SLC1A1: variants seen among roughly 807,000 people sequenced by gnomAD.
SLC1A1 encodes excitatory amino acid transporter 3.
A neutral mutation model predicts 53.3 loss-of-function variants in SLC1A1; 43 were observed. That is an observed-to-expected ratio of 0.81 (90% CI 0.63 to 1.04). SLC1A1 has a LOEUF of 1.04. SLC1A1 is among the 50% of genes least tolerant of loss of function. The pLI is 0.00. For synonymous variants in SLC1A1, 307 were observed against 243.2 expected, an observed-to-expected ratio of 1.26 and a Z score of -2.44; for missense variants, 748 against 664.9, an observed-to-expected ratio of 1.12 and a Z score of -1.37.
At chr9:4,504,432 T>C (rs1398253922) in intron 1 of SLC1A1, among the ~76,000 whole-genome samples, 2 of 152,236 alleles carry the variant, frequency 1.3e-5, no homozygotes, top group East Asian at 1.9e-4. Flanking sequence ...CCAGGAGACT[T>C]TGAACAACTG....
In SLC1A1 at chr9:4,585,781, C is replaced by T. The variant is rs1022823026; in HGVS notation, c.*223C>T. 1.1e-5 allele frequency: 6 copies of T among 569,690 alleles called. No individual in the cohort carries two copies. The highest frequency in any genetic ancestry group is 1.9e-5 in the Non-Finnish European group (6 of 322,208). 35.3% of individuals were successfully genotyped at this position (569,690 alleles called of 1,614,324 possible). On this transcript the variant is annotated 3_prime_UTR_variant, in exon 12 of 12. Transcript: ENST00000262352. The stretch of plus-strand genomic sequence containing the variant: ...AGGGAAATCAATTTAAAGGAAAGTT[C>T]TATTATCTGGGTTTTAGAAATTCTA...
intron 8 of SLC1A1, 53 bp downstream of exon 8, chr9:4,574,067 G>A (rs1378682411): frequency 2.5e-6 from 3 of 1,201,230 alleles, no homozygotes; most frequent in Non-Finnish European, 3.7e-6. Context: ...TAATAGGATG[G>A]CCGCTGAGAG....
intron 1 of SLC1A1, among the ~76,000 whole-genome samples, chr9:4,511,569 A>ACACACC (rs1342576668): frequency 7.6e-6 from 1 of 131,174 alleles, no homozygotes; most frequent in African/African-American, 3.0e-5. Context: ...AGAATTCTAC[A>ACACACC]CACACACACA....
chr9:4,578,810 T>C lies in SLC1A1; in HGVS notation c.1193+2047T>C, dbSNP rs59716674. Among the ~76,000 whole-genome samples the C allele has an allele frequency of 3.5e-3, 527 of 152,352 alleles. 1 individual carries two copies. Among genetic ancestry groups the C allele is most frequent in the African/African-American group, 0.012 (507 of 41,580 alleles). On this transcript the variant is annotated intron_variant, in intron 10 of 11. Coordinates refer to ENST00000262352, the MANE Select transcript of SLC1A1 (RefSeq NM_004170.6). ...GCACAGACACAGAATAGTTTCATCATTGCAGAAAGTTCTTTTGGACAGCAC... is the reference window on the plus strand; with the variant it reads ...GCACAGACACAGAATAGTTTCATCACTGCAGAAAGTTCTTTTGGACAGCAC...
At chr9:4,563,648 C>T (rs1819197332) in intron 3 of SLC1A1, among the ~76,000 whole-genome samples, 1 of 152,204 alleles carries the variant, frequency 6.6e-6, no homozygotes, top group South Asian at 2.1e-4. Context: ...GTCTTGGTCT[C>T]TTCTACAGCC....
intron 10 of SLC1A1, among the ~76,000 whole-genome samples, chr9:4,581,764 C>T (rs962781658): frequency 6.6e-6 from 1 of 152,052 alleles, no homozygotes. Flanking sequence ...TGGTACAGCC[C>T]CAGAAATCTC....
chr9:4,561,377 G>A, intron 2 of SLC1A1, 72 bp from the exon 3 acceptor site: 2 of 917,844 alleles, frequency 2.2e-6, no homozygotes, highest in Non-Finnish European at 3.7e-6. Flanking sequence ...TTCACAACCT[G>A]AGGATTAAAT....
rs1564022648 is a variant in SLC1A1 at position 4,544,626 on chromosome 9, T to C, written c.151T>C (p.Tyr51His). Residue 51 changes from tyrosine (Y) to histidine (H), a missense_variant, in exon 2 of 12, where the codon TAC becomes CAC. Transcript: ENST00000262352. The part of the protein sequence containing the change: ...HSNLSTLEKF[Y>H]FAFPGEILMR... ...CAACCTCTCAACTCTAGAGAAATTC[T>C]ACTTTGCTTTTCCTGGAGAAATTCT... The C allele has an allele frequency of 6.2e-7, 1 of 1,613,654 alleles. No homozygotes were observed. Among genetic ancestry groups the C allele is most frequent in the Admixed American group, 1.7e-5 (1 of 60,034 alleles).
chr9:4,562,824 C>T (rs954030414), intron 3 of SLC1A1, among the ~76,000 whole-genome samples: 2 of 151,888 alleles, frequency 1.3e-5, no homozygotes, highest in Admixed American at 1.3e-4. Flanking sequence ...CATTGTTGGA[C>T]ATTTGGGTTG....
intron 2 of SLC1A1, among the ~76,000 whole-genome samples, chr9:4,548,603 T>C (rs2130886002): frequency 6.6e-6 from 1 of 152,320 alleles, no homozygotes; most frequent in African/African-American, 2.4e-5. Context: ...TTTTATGTGA[T>C]GATAAGGTTA....
chr9:4,558,928 G>A (rs998946054), intron 2 of SLC1A1, among the ~76,000 whole-genome samples: 2 of 152,130 alleles, frequency 1.3e-5, no homozygotes, highest in African/African-American at 4.8e-5. Context: ...TTTAACCTAT[G>A]CATCTTAGAA....
chr9:4,564,340 A>G lies in SLC1A1; in HGVS notation c.326-4A>G, dbSNP rs187855558. On this transcript the variant is annotated splice_region_variant and splice_polypyrimidine_tract_variant and intron_variant, in intron 3 of 11. Coordinates refer to ENST00000262352, the MANE Select transcript of SLC1A1 (RefSeq NM_004170.6). ...TGCTCTGTGGACGCTGTTCTTGGCC[A>G]CAGGTATTGTGCTGGTGGTGAGCAT... 5 of 1,608,242 alleles carry G rather than the reference A, an allele frequency of 3.1e-6. No individual in the cohort carries two copies. In the Admixed American group the frequency reaches 8.4e-5, roughly 27 times the overall value.
intron 2 of SLC1A1, among the ~76,000 whole-genome samples, chr9:4,554,616 C>T (rs1818207470): frequency 6.6e-6 from 1 of 152,106 alleles, no homozygotes; most frequent in African/African-American, 2.4e-5. Context: ...TTGGTCTGTT[C>T]CAGAAGAGGC....
chr9:4,524,121 T>G (rs1201037011), intron 1 of SLC1A1, among the ~76,000 whole-genome samples: 1 of 152,242 alleles, frequency 6.6e-6, no homozygotes, highest in African/African-American at 2.4e-5. Flanking sequence ...TGTTGGCTAA[T>G]TGATCCTATG....
intron 1 of SLC1A1, among the ~76,000 whole-genome samples, chr9:4,524,097 G>A (rs1391915443): frequency 6.6e-6 from 1 of 152,192 alleles, no homozygotes; most frequent in Non-Finnish European, 1.5e-5. Flanking sequence ...TAAATTAGGT[G>A]ATCTGTAAAT....
chr9:4,494,598 A>G (rs1321557460), intron 1 of SLC1A1, among the ~76,000 whole-genome samples: 2 of 151,734 alleles, frequency 1.3e-5, no homozygotes, highest in Non-Finnish European at 2.9e-5. Flanking sequence ...TGAATCATTT[A>G]TTTTTGTGCC....
At chr9:4,519,559 G>A (rs1041431853) in intron 1 of SLC1A1, among the ~76,000 whole-genome samples, 1 of 152,182 alleles carries the variant, frequency 6.6e-6, no homozygotes, top group Non-Finnish European at 1.5e-5. Flanking sequence ...ATTATTATCT[G>A]TTGTTATTAT....
chr9:4,545,400 G>A (rs973699813), intron 2 of SLC1A1, among the ~76,000 whole-genome samples: 1 of 152,104 alleles, frequency 6.6e-6, no homozygotes, highest in Non-Finnish European at 1.5e-5. Flanking sequence ...TAAACAAAAC[G>A]TTATCTGGGG....
chr9:4,565,959 A>T lies in SLC1A1; in HGVS notation c.441-88A>T, dbSNP rs180737077. The T allele has an allele frequency of 6.5e-4, 644 of 996,160 alleles. 3 individuals are homozygous for T. The African/African-American group carries it at 8.9e-3, about 14-fold the overall frequency. 61.7% of individuals were successfully genotyped at this position (996,160 alleles called of 1,614,324 possible). A position where few individuals can be genotyped will look rare whatever the true frequency, so the allele number is the denominator to read the frequency against. On this transcript the variant is annotated intron_variant, in intron 4 of 11. Coordinates refer to ENST00000262352, the MANE Select transcript of SLC1A1 (RefSeq NM_004170.6). ...GAAGAGAAACCAGAGTACTAGTTTT[A>T]TGTTATACTAATTTCTACCAATATA...
Sources: gnomAD v4.1 joint callset for allele counts (sites outside exome capture counted in the v4.1 genomes callset) on GRCh38, gnomAD v4.1.1 for gene constraint, MANE v1.5 for transcripts, NCBI Gene and HGNC (gene_info 2026-07-23, HGNC 2026-07-21) for gene names.